PALS1: variants seen among roughly 807,000 people sequenced by gnomAD.
PALS1 encodes the protein protein associated with LIN7 1, MAGUK p55 family member, also known as protein PALS1.
Under a neutral mutation model 78.9 loss-of-function variants are expected in PALS1, and 31 were observed. The ratio of observed to expected loss-of-function variants is 0.39; its 90% CI spans 0.30 to 0.53. The LOEUF (loss-of-function observed/expected upper bound fraction) is 0.53. Among genes scored for constraint, PALS1 ranks in the 20% least tolerant of loss-of-function variants. The pLI is 0.67. For missense variants in PALS1, 704 were observed against 826.5 expected (o/e 0.85, Z 1.82); for synonymous variants, 276 against 270.9 (o/e 1.02, Z -0.18).
intron 14 of PALS1, among the ~76,000 whole-genome samples, chr14:67,324,782 C>T (rs562931828): frequency 1.3e-5 from 2 of 151,532 alleles, no homozygotes; most frequent in East Asian, 3.9e-4. Context: ...GACAGGGTCT[C>T]GCTATGTTGC....
rs367796698 is a variant in PALS1 at position 67,316,778 on chromosome 14, T to C, written c.1226-54T>C. On this transcript the variant is annotated intron_variant, in intron 9 of 14. Transcript: ENST00000261681. Reference sequence around the variant, plus strand: ...TTTCCCTTCTTGATTAAAAAAAAAATTCTTATCCTTTTATCTTAAATATTT... The same window carrying C: ...TTTCCCTTCTTGATTAAAAAAAAAACTCTTATCCTTTTATCTTAAATATTT... The C allele has an allele frequency of 1.3e-3, 1,924 of 1,439,470 alleles. 49 individuals carry two copies. The South Asian group carries it at 0.024, about 18-fold the overall frequency. 89.2% of individuals were successfully genotyped at this position (1,439,470 alleles called of 1,614,324 possible).
At chr14:67,301,861 A>AT in intron 5 of PALS1, 111 bp from the exon 6 acceptor site, 1 of 1,195,872 alleles carries the variant, frequency 8.4e-7, no homozygotes. Context: ...CTAATTAATT[A>AT]TAACACTTTT....
At chr14:67,280,383 A>G (rs2084585086) in intron 3 of PALS1, among the ~76,000 whole-genome samples, 1 of 152,126 alleles carries the variant, frequency 6.6e-6, no homozygotes, top group Non-Finnish European at 1.5e-5. Flanking sequence ...ATATATTTCT[A>G]CTTTTTTGTA....
intron 2 of PALS1, among the ~76,000 whole-genome samples, chr14:67,275,523 A>G (rs1273553319): frequency 6.6e-6 from 1 of 152,218 alleles, no homozygotes; most frequent in Non-Finnish European, 1.5e-5. Context: ...TTGGTTTGCC[A>G]GTATTTTATT....
chr14:67,324,107 A>G (rs1466564876), intron 14 of PALS1, among the ~76,000 whole-genome samples: 1 of 152,078 alleles, frequency 6.6e-6, no homozygotes, highest in Non-Finnish European at 1.5e-5. Context: ...AGGATTACTG[A>G]CTTTTCTCTG....
Position 67,289,931 on chromosome 14 carries a change from C to T in PALS1, c.368-2580C>T, listed in dbSNP as rs562604857. ...GACTACAGGCACCCACCACCACGCC[C>T]GGCTAATTTTTTAAATATTTTTAGT... On this transcript the variant is annotated intron_variant, in intron 3 of 14. Coordinates refer to ENST00000261681, the MANE Select transcript of PALS1 (RefSeq NM_022474.4). Among the ~76,000 whole-genome samples the T allele has an allele frequency of 7.2e-5, 11 of 152,052 alleles. No homozygotes were observed. The South Asian group carries it at 1.0e-3, about 14-fold the overall frequency.
In PALS1 at chr14:67,321,175, G is replaced by C; in HGVS notation, c.1656G>C (p.Glu552Asp). The C allele has an allele frequency of 2.5e-6, 4 of 1,614,220 alleles. No individual in the cohort carries two copies. Among genetic ancestry groups the C allele is most frequent in the Non-Finnish European group, 3.4e-6 (4 of 1,180,032 alleles). Residue 552 changes from glutamate (E) to aspartate (D), a missense_variant, in exon 13 of 15, where the codon GAG becomes GAC. By Grantham distance (45) the Glu-to-Asp change is conservative. Transcript: ENST00000261681. ...AGKFIEHGEF[E>D]KNLYGTSIDS... The stretch of plus-strand genomic sequence containing the variant: ...AGTTCATTGAGCATGGTGAATTTGA[G>C]AAGAATTTGTATGGAACTAGCATAG...
chr14:67,306,367 C>CAG (rs1199606253), intron 8 of PALS1, among the ~76,000 whole-genome samples: 1 of 151,674 alleles, frequency 6.6e-6, no homozygotes, highest in Non-Finnish European at 1.5e-5. Context: ...TTTTTTGAGA[C>CAG]AGAGTCTTGC....
intron 12 of PALS1, 52 bp downstream of exon 12, chr14:67,320,449 G>A: frequency 1.4e-6 from 2 of 1,464,876 alleles, no homozygotes; most frequent in Non-Finnish European, 1.8e-6. Context: ...TACCAGCTCA[G>A]AACCTAACTA....
intron 14 of PALS1, among the ~76,000 whole-genome samples, chr14:67,324,158 T>C (rs2085311626): frequency 6.6e-6 from 1 of 152,230 alleles, no homozygotes; most frequent in Non-Finnish European, 1.5e-5. Flanking sequence ...TTGAGTGCTC[T>C]TGCTTTTCTC....
chr14:67,281,108 A>G (rs1416813095), intron 3 of PALS1, among the ~76,000 whole-genome samples: 3 of 151,950 alleles, frequency 2.0e-5, no homozygotes, highest in African/African-American at 7.3e-5. Context: ...CATGTTGGTC[A>G]GGCTGGTCTT....
chr14:67,288,408 G>C (rs1396606623), intron 3 of PALS1, among the ~76,000 whole-genome samples: 6 of 151,958 alleles, frequency 3.9e-5, no homozygotes, highest in African/African-American at 7.2e-5. Context: ...AATTACTAAA[G>C]ACCTTGCAAG....
intron 2 of PALS1, among the ~76,000 whole-genome samples, chr14:67,273,962 T>A (rs1370413428): frequency 6.6e-6 from 1 of 152,214 alleles, no homozygotes; most frequent in Admixed American, 6.5e-5. Context: ...CACTTTTTGA[T>A]GGGGTTGTTT....
intron 8 of PALS1, 86 bp from the exon 9 acceptor site, chr14:67,312,441 T>C: frequency 1.0e-6 from 1 of 972,824 alleles, no homozygotes; most frequent in Non-Finnish European, 1.4e-6. Flanking sequence ...TAAAAAATAA[T>C]AAAAAATTTG....
At chr14:67,291,147 C>T (rs952883695) in intron 3 of PALS1, among the ~76,000 whole-genome samples, 73 of 151,578 alleles carry the variant, frequency 4.8e-4, no homozygotes, top group Non-Finnish European at 1.6e-4. Context: ...TATTGGAAAA[C>T]GATTCCCAAC....
chr14:67,255,098 A>C (rs1484409645), intron 1 of PALS1, among the ~76,000 whole-genome samples: 1 of 152,128 alleles, frequency 6.6e-6, no homozygotes, highest in African/African-American at 2.4e-5. Context: ...GCAGTGAGCC[A>C]GGATTGTGCC....
intron 3 of PALS1, among the ~76,000 whole-genome samples, chr14:67,287,996 T>C (rs2084716211): frequency 6.6e-6 from 1 of 152,204 alleles, no homozygotes; most frequent in Non-Finnish European, 1.5e-5. Flanking sequence ...TTCTGGGCTG[T>C]CTATGGCTGC....
intron 14 of PALS1, among the ~76,000 whole-genome samples, chr14:67,331,210 AT>A (rs1353069977): frequency 6.6e-6 from 1 of 151,714 alleles, no homozygotes; most frequent in Non-Finnish European, 1.5e-5. Context: ...ACGCCTGGCT[AT>A]TTTTTGTATT....
chr14:67,326,473 A>G (rs1206118911), intron 14 of PALS1, among the ~76,000 whole-genome samples: 1 of 151,820 alleles, frequency 6.6e-6, no homozygotes, highest in Non-Finnish European at 1.5e-5. Context: ...TGATTCTTTT[A>G]CTTTGCTGAA....
Sources: allele counts gnomAD v4.1 joint callset (sites outside exome capture counted in the v4.1 genomes callset), GRCh38; gene constraint gnomAD v4.1.1; transcripts MANE v1.5; gene names NCBI Gene and HGNC (gene_info 2026-07-23, HGNC 2026-07-21).